Variants in ARHGAP26 observed in about 807,000 individuals in gnomAD.
ARHGAP26 encodes Rho GTPase activating protein 26, also known as rho GTPase-activating protein 26.
Under a neutral mutation model 104.8 loss-of-function variants are expected in ARHGAP26, and 38 were observed. The ratio of observed to expected loss-of-function variants is 0.36; its 90% CI spans 0.28 to 0.48. The LOEUF (loss-of-function observed/expected upper bound fraction) is 0.48, where lower values mean the gene tolerates loss of function less well. Ranked by LOEUF, ARHGAP26 falls within the 20% of genes least tolerant of loss-of-function variation. The pLI is 0.99. For synonymous variants in ARHGAP26, 341 were observed against 340.0 expected, an observed-to-expected ratio of 1.00 and a Z score of -0.03; for missense variants, 704 against 947.9, an observed-to-expected ratio of 0.74 and a Z score of 3.38.
intron 1 of ARHGAP26, among the ~76,000 whole-genome samples, chr5:142,813,527 A>G (rs1411356060): frequency 6.6e-6 from 1 of 152,232 alleles, no homozygotes; most frequent in African/African-American, 2.4e-5. Context: ...TCCCACAGAC[A>G]GGGCAGTTTC....
chr5:142,990,620 G>A (rs1775443862), intron 11 of ARHGAP26, among the ~76,000 whole-genome samples: 1 of 152,164 alleles, frequency 6.6e-6, no homozygotes, highest in African/African-American at 2.4e-5. Context: ...TTTGATGATG[G>A]TGACGTACAG....
intron 5 of ARHGAP26, among the ~76,000 whole-genome samples, chr5:142,891,420 G>A (rs966565285): frequency 6.6e-6 from 1 of 151,980 alleles, no homozygotes; most frequent in Non-Finnish European, 1.5e-5. Context: ...GAAGTTGCTA[G>A]CATGAGAGAC....
chr5:142,895,034 T>C (rs1231214155), intron 6 of ARHGAP26, among the ~76,000 whole-genome samples: 2 of 152,190 alleles, frequency 1.3e-5, no homozygotes, highest in African/African-American at 2.4e-5. Flanking sequence ...TCCACTTTGC[T>C]GGGTGTGGCA....
chr5:142,937,294 G>C (rs1000076705), intron 11 of ARHGAP26, among the ~76,000 whole-genome samples: 19 of 152,112 alleles, frequency 1.2e-4, no homozygotes, highest in Admixed American at 5.2e-4. Context: ...AATAAGCACA[G>C]GAAAAGATGT....
intron 21 of ARHGAP26, 192 bp downstream of exon 21, chr5:143,207,500 G>A (rs1428582474): frequency 3.1e-6 from 5 of 1,611,244 alleles, no homozygotes; most frequent in Non-Finnish European, 4.2e-6. Context: ...TGACCAATCT[G>A]TTCCCGTTTA....
intron 17 of ARHGAP26, among the ~76,000 whole-genome samples, chr5:143,077,270 G>A (rs572359469): frequency 1.3e-5 from 2 of 152,318 alleles, no homozygotes; most frequent in South Asian, 4.1e-4. Context: ...GTGGAGGCTG[G>A]TGGAATTGTG....
intron 10 of ARHGAP26, chr5:142,919,510 C>G (rs1195709561): frequency 1.0e-5 from 4 of 397,660 alleles, no homozygotes; most frequent in Non-Finnish European, 4.4e-6. Context: ...TAGGGAGGGC[C>G]TTTCTCAATG....
At chr5:143,157,721 T>C (rs1800669032) in intron 20 of ARHGAP26, among the ~76,000 whole-genome samples, 1 of 152,208 alleles carries the variant, frequency 6.6e-6, no homozygotes, top group South Asian at 2.1e-4. Context: ...AGAGATCCTT[T>C]CAGAGAACAG....
intron 1 of ARHGAP26, among the ~76,000 whole-genome samples, chr5:142,808,914 A>G (rs1024517912): frequency 2.6e-5 from 4 of 152,218 alleles, no homozygotes; most frequent in East Asian, 1.9e-4. Flanking sequence ...TCATCCATAT[A>G]TGGCACCTTA....
intron 1 of ARHGAP26, among the ~76,000 whole-genome samples, chr5:142,792,104 A>G (rs925228755): frequency 6.6e-6 from 1 of 152,186 alleles, no homozygotes; most frequent in Non-Finnish European, 1.5e-5. Context: ...TCCATATTTC[A>G]GGCCTCTCAT....
chr5:142,932,188 A>T, intron 11 of ARHGAP26, 63 bp downstream of exon 11: 2 of 1,482,292 alleles, frequency 1.3e-6, no homozygotes, highest in Non-Finnish European at 1.9e-6. Flanking sequence ...TTGCTTCCCT[A>T]GTGCAGTGAT....
At chr5:143,190,089 A>G (rs1805730787) in intron 20 of ARHGAP26, among the ~76,000 whole-genome samples, 1 of 151,944 alleles carries the variant, frequency 6.6e-6, no homozygotes, top group Non-Finnish European at 1.5e-5. Context: ...CTAATACAAT[A>G]TGTGCTGAAT....
chr5:143,222,268 CACACACACACACACA>C lies in ARHGAP26; in HGVS notation c.2192-89_2192-75del, dbSNP rs1811285268. On this transcript the variant is annotated intron_variant, in intron 22 of 22. Transcript: ENST00000645722. The stretch of plus-strand genomic sequence containing the variant: ...TCATACACACACACACACACACACA[CACACACACACACACA>C]CCCCACACACACATCTGCCGCCTGC... 1.9e-5 allele frequency: 14 copies of C among 722,274 alleles called. No homozygotes were observed. The South Asian group carries it at 3.6e-4, about 19-fold the overall frequency. The allele number at this position is 722,274 out of a possible 1,614,324, so 44.7% of individuals were successfully genotyped here.
intron 1 of ARHGAP26, among the ~76,000 whole-genome samples, chr5:142,843,052 G>A (rs930077557): frequency 1.3e-5 from 2 of 152,148 alleles, no homozygotes; most frequent in African/African-American, 4.8e-5. Context: ...CTGGCTCAGA[G>A]GTGGACCTAC....
chr5:143,083,902 T>C (rs906553764), intron 17 of ARHGAP26, among the ~76,000 whole-genome samples: 5 of 152,218 alleles, frequency 3.3e-5, no homozygotes, highest in Non-Finnish European at 7.4e-5. Context: ...TTTGCAAAGG[T>C]TGAGTTTCAA....
At chr5:143,033,696 T>TC (rs1219275756) in intron 12 of ARHGAP26, among the ~76,000 whole-genome samples, 5 of 152,186 alleles carry the variant, frequency 3.3e-5, no homozygotes, top group African/African-American at 1.2e-4. Context: ...AAGACCATGT[T>TC]CACAAGCCTA....
At chr5:142,830,573 T>C (rs1768202056) in intron 1 of ARHGAP26, among the ~76,000 whole-genome samples, 1 of 152,186 alleles carries the variant, frequency 6.6e-6, no homozygotes, top group Admixed American at 6.5e-5. Context: ...CACTCTTTAA[T>C]TAATATAGCT....
intron 20 of ARHGAP26, among the ~76,000 whole-genome samples, chr5:143,205,374 A>T (rs916672966): frequency 2.0e-5 from 3 of 152,182 alleles, no homozygotes; most frequent in Non-Finnish European, 2.9e-5. Flanking sequence ...TTCTTCTCTT[A>T]TATGAATGCC....
At chr5:143,033,784 C>T (rs900862036) in intron 12 of ARHGAP26, among the ~76,000 whole-genome samples, 1 of 145,904 alleles carries the variant, frequency 6.9e-6, no homozygotes, top group Non-Finnish European at 1.5e-5. Flanking sequence ...TTTTCTCTCC[C>T]AGACTTCTTT....
Sources: gnomAD v4.1 joint callset for allele counts (sites outside exome capture counted in the v4.1 genomes callset) on GRCh38, gnomAD v4.1.1 for gene constraint, MANE v1.5 for transcripts, NCBI Gene and HGNC (gene_info 2026-07-23, HGNC 2026-07-21) for gene names.